The following TOM1 variants were observed in gnomAD, a reference collection of about 807,000 sequenced individuals.
TOM1 encodes the protein target of myb1 membrane trafficking protein.
In TOM1, 38 loss-of-function variants were observed where a neutral mutation model predicts 61.3. The observed-to-expected ratio is 0.62, with a 90% confidence interval of 0.48 to 0.81. The LOEUF is 0.81. TOM1 is among the 40% of genes least tolerant of loss of function. The pLI is 0.00. For synonymous variants in TOM1, 270 were observed against 268.8 expected (o/e 1.00, Z -0.04); for missense variants, 591 against 659.6 (o/e 0.90, Z 1.14).
rs1929014462 is a variant in TOM1 at position 35,333,497 on chromosome 22, A to C, written c.1027A>C (p.Asn343His). The change falls in exon 10 of 15, where the codon AAC (asparagine) becomes CAC (histidine). Residue 343 changes from asparagine (N) to histidine (H), a missense_variant and splice_region_variant. Transcript: ENST00000449058. ...GNLSSQLAGMNLGSSSVRAGL... is the reference protein window; with the variant it reads ...GNLSSQLAGMHLGSSSVRAGL... ...CCTCTCATCCCAGCTGGCAGGAATG[A>C]GTAAGTGTGGTTTGGAGGGCTCCAG... The C allele has an allele frequency of 6.2e-7, 1 of 1,613,962 alleles. No individual in the cohort carries two copies. Among genetic ancestry groups the C allele is most frequent in the Admixed American group, 1.7e-5 (1 of 60,004 alleles).
At chr22:35,336,053 T>C (rs1929302938) in intron 11 of TOM1, among the ~76,000 whole-genome samples, 1 of 152,172 alleles carries the variant, frequency 6.6e-6, no homozygotes, top group Admixed American at 6.5e-5. Flanking sequence ...GATTTTATTC[T>C]AACATGAGCA....
chr22:35,323,599 A>G lies in TOM1; in HGVS notation c.470A>G (p.Asp157Gly). ...KGLEFPMTDL[D>G]MLSPIHTPQR... ...CTGGAGTTCCCCATGACTGACCTGG[A>G]CATGCTGTCACCCATCCACACACCC... The change falls in exon 5 of 15, where the codon GAC becomes GGC. Residue 157 changes from aspartate to glycine, a missense_variant. Asp to Gly is a moderately conservative substitution (Grantham distance 94). Transcript: ENST00000449058. This position sits in a 1 kb window ranked among gnomAD's most constrained non-coding sequence, Gnocchi z 4.2. The G allele has an allele frequency of 6.2e-7, 1 of 1,614,068 alleles. No homozygotes were observed.
At chr22:35,308,287 T>C (rs1267781280) in intron 1 of TOM1, among the ~76,000 whole-genome samples, 1 of 150,172 alleles carries the variant, frequency 6.7e-6, no homozygotes, top group Non-Finnish European at 1.5e-5. Flanking sequence ...TTTTTTTTTT[T>C]TTTCTTTTTT....
At chr22:35,322,201 A>G (rs1601686388) in intron 3 of TOM1, 164 bp downstream of exon 3, 1 of 622,378 alleles carries the variant, frequency 1.6e-6, no homozygotes, top group East Asian at 2.8e-5. Flanking sequence ...CGGATGCAGA[A>G]TGGCAAGAGG....
At position 35,322,477 on chromosome 22, in the gene TOM1, C is replaced by T. The variant is rs759993369; in HGVS notation, c.216+440C>T. On this transcript the variant is annotated intron_variant, in intron 3 of 14. Transcript: ENST00000449058. Reference sequence around the variant, plus strand: ...CACTGAACCAGCCCAGATCTCAGGGCGGCCAGACACACGTGGGCCTCCTAG... The same window carrying T: ...CACTGAACCAGCCCAGATCTCAGGGTGGCCAGACACACGTGGGCCTCCTAG... 1.3e-4 allele frequency: 24 copies of T among 188,760 alleles called. 1 individual carries two copies. Among genetic ancestry groups the T allele is most frequent in the South Asian group, 3.7e-4 (3 of 8,214 alleles). 11.7% of individuals were successfully genotyped at this position (188,760 alleles called of 1,614,324 possible). A position where few individuals can be genotyped will look rare whatever the true frequency, so the allele number is the denominator to read the frequency against.
At chr22:35,328,894 C>T (rs1928572279) in intron 7 of TOM1, among the ~76,000 whole-genome samples, 1 of 152,242 alleles carries the variant, frequency 6.6e-6, no homozygotes, top group African/African-American at 2.4e-5. Flanking sequence ...CACCTGGTGG[C>T]AGGTACCTGA....
chr22:35,335,993 G>A (rs1165425287), intron 11 of TOM1, among the ~76,000 whole-genome samples: 1 of 152,168 alleles, frequency 6.6e-6, no homozygotes, highest in Non-Finnish European at 1.5e-5. Flanking sequence ...AGGGAAGGGG[G>A]CAGGATGCTG....
intron 3 of TOM1, chr22:35,322,732 A>G: frequency 2.8e-6 from 1 of 362,374 alleles, no homozygotes; most frequent in Non-Finnish European, 5.0e-6. Context: ...CCTTCTCTCT[A>G]GACCATGTTT....
chr22:35,322,478 G>A (rs184377593), intron 3 of TOM1: 285 of 189,630 alleles, frequency 1.5e-3, no homozygotes, highest in Admixed American at 8.6e-3. Context: ...ATCTCAGGGC[G>A]GCCAGACACA....
chr22:35,302,330 C>CTTTTTTTTT (rs138734), intron 1 of TOM1, among the ~76,000 whole-genome samples: 3 of 70,936 alleles, frequency 4.2e-5, no homozygotes, highest in African/African-American at 1.1e-4. Flanking sequence ...TTTTCTTTTT[C>CTTTTTTTTT]TTTTTTTTTT....
rs566569885 is a variant in TOM1, at chr22:35,326,820, G to T, written c.649-451G>T. The stretch of plus-strand genomic sequence containing the variant: ...CCAGTCCTCTAGGAGGAGAGAGAGG[G>T]GGGGATCCCAGTCTTCTAGGAGAGA... On this transcript the variant is annotated intron_variant, in intron 6 of 14. Transcript: ENST00000449058. Among the ~76,000 whole-genome samples, 21 of 151,664 alleles carry T rather than the reference G, an allele frequency of 1.4e-4. No individual in the cohort carries two copies. The East Asian group carries it at 3.7e-3, about 27-fold the overall frequency.
At chr22:35,343,651 C>T (rs1930197811) in intron 12 of TOM1, among the ~76,000 whole-genome samples, 1 of 137,640 alleles carries the variant, frequency 7.3e-6, no homozygotes, top group South Asian at 2.4e-4. Flanking sequence ...CACACCTATA[C>T]TCATACACCT....
intron 12 of TOM1, among the ~76,000 whole-genome samples, chr22:35,341,228 G>A (rs1929853648): frequency 6.6e-6 from 1 of 152,224 alleles, no homozygotes; most frequent in Non-Finnish European, 1.5e-5. Flanking sequence ...GTTCCAGGAA[G>A]AGCTTAAGTG....
chr22:35,337,031 G>T (rs955699596), intron 11 of TOM1, among the ~76,000 whole-genome samples: 1 of 151,632 alleles, frequency 6.6e-6, no homozygotes, highest in Non-Finnish European at 1.5e-5. Context: ...CACCTCCTGG[G>T]TTCACGCCAT....
chr22:35,334,565 A>G (rs543161341), intron 11 of TOM1, 117 bp downstream of exon 11: 1 of 1,285,720 alleles, frequency 7.8e-7, no homozygotes, highest in East Asian at 2.3e-5. Context: ...CTTAGTAAGC[A>G]CGCCCTTAGT....
chr22:35,346,639 C>G (rs540704985), intron 13 of TOM1, among the ~76,000 whole-genome samples: 1 of 152,236 alleles, frequency 6.6e-6, no homozygotes, highest in South Asian at 2.1e-4. Context: ...TGTGTGTTAT[C>G]CCATTTCAGC....
intron 3 of TOM1, 43 bp from the exon 4 acceptor site, chr22:35,322,985 C>T: frequency 1.9e-6 from 3 of 1,606,026 alleles, no homozygotes; most frequent in Non-Finnish European, 2.6e-6. Flanking sequence ...AGCACCTCCT[C>T]TCCTCTGACC....
chr22:35,310,859 A>C (rs770203680), intron 1 of TOM1, among the ~76,000 whole-genome samples: 1 of 152,196 alleles, frequency 6.6e-6, no homozygotes, highest in Non-Finnish European at 1.5e-5. Context: ...GAGATCGCCC[A>C]ACAGAGTTAT....
intron 6 of TOM1, among the ~76,000 whole-genome samples, chr22:35,324,308 T>C (rs1407441683): frequency 6.6e-6 from 1 of 150,516 alleles, no homozygotes; most frequent in African/African-American, 2.5e-5. Flanking sequence ...GAGCTGGGCA[T>C]GGTCACGTGC....
Sources: gnomAD v4.1 joint callset for allele counts (sites outside exome capture counted in the v4.1 genomes callset) on GRCh38, gnomAD v4.1.1 for gene constraint, Gnocchi (gnomAD v3.1) non-coding constraint, MANE v1.5 for transcripts, NCBI Gene and HGNC (gene_info 2026-07-23, HGNC 2026-07-21) for gene names.